FHOD3: variants seen among roughly 807,000 people sequenced by gnomAD.
FHOD3 encodes the protein formin homology 2 domain containing 3.
Under a neutral mutation model 173.0 loss-of-function variants are expected in FHOD3, and 90 were observed. That is an observed-to-expected ratio of 0.52 (90% CI 0.44 to 0.62). The LOEUF (loss-of-function observed/expected upper bound fraction) is 0.62, where lower values mean the gene tolerates loss of function less well. Among genes scored for constraint, FHOD3 ranks in the 20% least tolerant of loss-of-function variants. The pLI is 0.00. For missense variants in FHOD3, 1,945 were observed against 2,034.7 expected (o/e 0.96, Z 0.85); for synonymous variants, 828 against 823.0 (o/e 1.01, Z -0.10).
intron 5 of FHOD3, among the ~76,000 whole-genome samples, chr18:36,527,758 T>TA (rs1275276237): frequency 8.5e-5 from 13 of 152,112 alleles, no homozygotes; most frequent in African/African-American, 3.1e-4. Context: ...GAATACCCTC[T>TA]ATTCTGGATC....
chr18:36,708,508 G>A (rs1249222342), intron 17 of FHOD3, among the ~76,000 whole-genome samples: 1 of 152,250 alleles, frequency 6.6e-6, no homozygotes, highest in African/African-American at 2.4e-5. Flanking sequence ...CCATCTGTCA[G>A]AAGTTTAGCA....
At chr18:36,655,060 T>TA (rs1387688311) in intron 13 of FHOD3, among the ~76,000 whole-genome samples, 1 of 150,120 alleles carries the variant, frequency 6.7e-6, no homozygotes, top group Non-Finnish European at 1.5e-5. Context: ...CTTCTTTTTT[T>TA]TTTTTTTTTT....
chr18:36,497,522 A>G (rs2054809320), intron 3 of FHOD3, among the ~76,000 whole-genome samples: 2 of 152,368 alleles, frequency 1.3e-5, no homozygotes, highest in South Asian at 2.1e-4. Context: ...AAAAGGATAG[A>G]AAAAGATACA....
chr18:36,726,477 C>G (rs540441303), intron 19 of FHOD3, among the ~76,000 whole-genome samples: 7 of 152,260 alleles, frequency 4.6e-5, no homozygotes, highest in Admixed American at 3.9e-4. Flanking sequence ...ATCTCACTCC[C>G]TCTTTCTGGA....
intron 3 of FHOD3, among the ~76,000 whole-genome samples, chr18:36,462,657 A>C (rs891836267): frequency 2.0e-5 from 3 of 152,182 alleles, no homozygotes; most frequent in Non-Finnish European, 2.9e-5. Flanking sequence ...CCCAAGCTAG[A>C]GTGCAGTGGT....
At chr18:36,676,197 T>C (rs1325446464) in intron 14 of FHOD3, among the ~76,000 whole-genome samples, 1 of 152,228 alleles carries the variant, frequency 6.6e-6, no homozygotes, top group Non-Finnish European at 1.5e-5. Context: ...TATTCTCAGA[T>C]ATGGTTTTGT....
chr18:36,398,163 A>G lies in FHOD3; in HGVS notation c.337+25419A>G, dbSNP rs77409854. 4.9e-3 allele frequency among the ~76,000 whole-genome samples: 749 copies of G among 152,326 alleles called. 1 individual carries two copies. The highest frequency in any genetic ancestry group is 7.1e-3 in the Non-Finnish European group (486 of 68,018). On this transcript the variant is annotated intron_variant, in intron 3 of 28. Transcript: ENST00000590592. ...CGTGAATAAATATGCAGGAAGTTAA[A>G]AGGATATTTTGAGTATGATTTTAAT...
chr18:36,601,335 A>C (rs934883463), intron 7 of FHOD3, among the ~76,000 whole-genome samples: 2 of 152,186 alleles, frequency 1.3e-5, no homozygotes, highest in Admixed American at 6.5e-5. Context: ...TCTTGTAGTA[A>C]GTAGGTACCT....
chr18:36,448,111 G>A (rs545772535), intron 3 of FHOD3, among the ~76,000 whole-genome samples: 2 of 152,152 alleles, frequency 1.3e-5, no homozygotes, highest in Non-Finnish European at 2.9e-5. Context: ...GTATTAGATG[G>A]TGCCATGAAG....
At chr18:36,321,514 G>C (rs1361817127) in intron 1 of FHOD3, among the ~76,000 whole-genome samples, 1 of 152,178 alleles carries the variant, frequency 6.6e-6, no homozygotes, top group Admixed American at 6.5e-5. Flanking sequence ...CTGCAAATGG[G>C]ACTGCTGCTG....
intron 2 of FHOD3, among the ~76,000 whole-genome samples, chr18:36,368,305 A>G (rs919599227): frequency 6.6e-6 from 1 of 152,136 alleles, no homozygotes; most frequent in African/African-American, 2.4e-5. Context: ...TCTCATACGT[A>G]TGTATGAGTT....
intron 5 of FHOD3, among the ~76,000 whole-genome samples, chr18:36,530,850 T>A (rs2056751768): frequency 6.6e-6 from 1 of 152,158 alleles, no homozygotes; most frequent in Non-Finnish European, 1.5e-5. Flanking sequence ...CTGGGTTGCT[T>A]CTTAGTAGCT....
intron 3 of FHOD3, among the ~76,000 whole-genome samples, chr18:36,390,780 G>T (rs73418926): frequency 6.6e-6 from 1 of 152,070 alleles, no homozygotes; most frequent in African/African-American, 2.4e-5. Context: ...GTCCTGTTAC[G>T]CCTGGAGTGA....
chr18:36,425,256 A>G (rs994950247), intron 3 of FHOD3, among the ~76,000 whole-genome samples: 1 of 152,242 alleles, frequency 6.6e-6, no homozygotes, highest in African/African-American at 2.4e-5. Context: ...TATCATAAGT[A>G]TGCATGTATA....
At chr18:36,519,382 A>C (rs2056156425) in intron 5 of FHOD3, among the ~76,000 whole-genome samples, 1 of 151,954 alleles carries the variant, frequency 6.6e-6, no homozygotes. Flanking sequence ...GTGTTTCTGG[A>C]TGGATCTGCC....
At chr18:36,713,780 A>G (rs1398316834) in intron 18 of FHOD3, among the ~76,000 whole-genome samples, 1 of 152,198 alleles carries the variant, frequency 6.6e-6, no homozygotes, top group Non-Finnish European at 1.5e-5. Flanking sequence ...TTATGTATCA[A>G]TTTGAAAATT....
chr18:36,379,050 A>G (rs1451768950), intron 3 of FHOD3, among the ~76,000 whole-genome samples: 2 of 152,212 alleles, frequency 1.3e-5, no homozygotes, highest in Non-Finnish European at 2.9e-5. Context: ...CGTTATATTC[A>G]TATGATATAT....
intron 5 of FHOD3, among the ~76,000 whole-genome samples, chr18:36,538,449 A>G (rs2057078449): frequency 6.6e-6 from 1 of 152,224 alleles, no homozygotes; most frequent in South Asian, 2.1e-4. Flanking sequence ...AGAAAGACAC[A>G]AATCATTAAT....
chr18:36,610,399 C>CTAA (rs751820864), intron 8 of FHOD3, among the ~76,000 whole-genome samples: 4 of 152,170 alleles, frequency 2.6e-5, no homozygotes, highest in Non-Finnish European at 5.9e-5. Context: ...CCCTGATGAC[C>CTAA]GTTATTGCCT....
Sources: allele counts gnomAD v4.1 joint callset (sites outside exome capture counted in the v4.1 genomes callset), GRCh38; gene constraint gnomAD v4.1.1; transcripts MANE v1.5; gene names NCBI Gene and HGNC (gene_info 2026-07-23, HGNC 2026-07-21).